THEMIS: variants seen among roughly 807,000 people sequenced by gnomAD.
THEMIS encodes thymocyte selection associated, also known as protein THEMIS.
Under a neutral mutation model 52.6 loss-of-function variants are expected in THEMIS, and 37 were observed. That is an observed-to-expected ratio of 0.70 (90% CI 0.54 to 0.93). The LOEUF is 0.93. Ranked by LOEUF, THEMIS falls within the 40% of genes least tolerant of loss-of-function variation. The pLI is 0.00. For missense variants in THEMIS, 808 were observed against 763.1 expected, an observed-to-expected ratio of 1.06 and a Z score of -0.69; for synonymous variants, 292 against 272.7, an observed-to-expected ratio of 1.07 and a Z score of -0.70.
At chr6:127,870,996 A>G (rs965683822) in intron 1 of THEMIS, among the ~76,000 whole-genome samples, 7 of 152,150 alleles carry the variant, frequency 4.6e-5, no homozygotes, top group Non-Finnish European at 8.8e-5. Context: ...ACATAATCAA[A>G]TCTTCCTTTA....
intron 3 of THEMIS, among the ~76,000 whole-genome samples, chr6:127,825,937 G>A (rs192744781): frequency 5.6e-4 from 85 of 152,202 alleles, no homozygotes; most frequent in South Asian, 4.6e-3. Context: ...AATTATACTC[G>A]TTATACACCA....
chr6:127,860,708 A>G (rs114343617), intron 1 of THEMIS, among the ~76,000 whole-genome samples: 185 of 152,266 alleles, frequency 1.2e-3, no homozygotes, highest in African/African-American at 4.2e-3. Context: ...ATCAGATTAA[A>G]TAAGTACTAG....
upstream of THEMIS, among the ~76,000 whole-genome samples, chr6:127,901,591 A>G (rs1023907317): frequency 6.6e-6 from 1 of 152,056 alleles, no homozygotes; most frequent in Admixed American, 6.6e-5. Flanking sequence ...TAGGGTAGGG[A>G]TAGAATATGC....
Position 127,813,794 on chromosome 6 carries a change from T to A in THEMIS, c.847A>T (p.Ile283Leu). 6.2e-7 allele frequency: 1 copy of A among 1,614,080 alleles called. No homozygotes were observed. Among genetic ancestry groups the A allele is most frequent in the Non-Finnish European group, 8.5e-7 (1 of 1,179,984 alleles). ...LFEMTSKEFP[I>L]VTEVIEAPEG... The stretch of plus-strand genomic sequence containing the variant: ...GGTGCTTCTATGACTTCAGTCACTA[T>A]GGGGAACTCTTTACTAGTCATTTCA... The change falls in exon 4 of 6, where the codon ATA becomes TTA. Residue 283 changes from isoleucine to leucine, a missense_variant. Transcript: ENST00000368248.
intron 4 of THEMIS, among the ~76,000 whole-genome samples, chr6:127,784,952 T>G (rs1776874637): frequency 1.2e-4 from 1 of 8,020 alleles, no homozygotes. Flanking sequence ...GCAGTCACAC[T>G]ATCTATCTAT....
intron 1 of THEMIS, among the ~76,000 whole-genome samples, chr6:127,860,643 A>G (rs1312700463): frequency 6.6e-6 from 1 of 152,136 alleles, no homozygotes; most frequent in Non-Finnish European, 1.5e-5. Flanking sequence ...AAAAGTTCCT[A>G]CAGATTGGAA....
intron 2 of THEMIS, among the ~76,000 whole-genome samples, chr6:127,846,220 A>C (rs562295497): frequency 2.0e-5 from 3 of 151,956 alleles, no homozygotes; most frequent in Non-Finnish European, 4.4e-5. Flanking sequence ...AACAACTACC[A>C]ATAACAGCAA....
intron 4 of THEMIS, among the ~76,000 whole-genome samples, chr6:127,770,644 T>G (rs1366083935): frequency 6.6e-6 from 1 of 152,232 alleles, no homozygotes; most frequent in Non-Finnish European, 1.5e-5. Flanking sequence ...TTTGTCAATT[T>G]TGGCTTTTGT....
chr6:127,738,063 G>A (rs373613432), intron 4 of THEMIS, among the ~76,000 whole-genome samples: 1 of 152,128 alleles, frequency 6.6e-6, no homozygotes, highest in African/African-American at 2.4e-5. Flanking sequence ...ATAGAAGCAT[G>A]AGCTGTTGAA....
the THEMIS span, among the ~76,000 whole-genome samples, chr6:127,699,606 A>G: frequency 6.6e-6 from 1 of 151,694 alleles, no homozygotes; most frequent in African/African-American, 2.4e-5. Flanking sequence ...GATAGAACAG[A>G]GATATCAGAA....
upstream of THEMIS, among the ~76,000 whole-genome samples, chr6:127,902,399 T>G (rs1489644768): frequency 1.3e-5 from 2 of 151,310 alleles, no homozygotes; most frequent in African/African-American, 2.4e-5. Context: ...AATCTACACG[T>G]TTTCTTTAGT....
At chr6:127,790,665 T>C (rs1777125242) in intron 4 of THEMIS, among the ~76,000 whole-genome samples, 1 of 152,214 alleles carries the variant, frequency 6.6e-6, no homozygotes, top group Non-Finnish European at 1.5e-5. Context: ...TGGCCCACTG[T>C]GCTTGATGTG....
intron 4 of THEMIS, among the ~76,000 whole-genome samples, chr6:127,803,170 T>C (rs1049685965): frequency 1.3e-5 from 2 of 152,210 alleles, no homozygotes; most frequent in African/African-American, 4.8e-5. Flanking sequence ...TCTGTTTGAA[T>C]TGATTATCTA....
At chr6:127,806,249 G>C (rs1301905033) in intron 4 of THEMIS, among the ~76,000 whole-genome samples, 2 of 152,010 alleles carry the variant, frequency 1.3e-5, no homozygotes, top group African/African-American at 4.8e-5. Flanking sequence ...AAATAATTTA[G>C]TCCAAATTTG....
At chr6:127,760,303 G>C (rs1280269714) in intron 4 of THEMIS, among the ~76,000 whole-genome samples, 2 of 151,930 alleles carry the variant, frequency 1.3e-5, no homozygotes, top group Non-Finnish European at 2.9e-5. Flanking sequence ...AATATATTTT[G>C]AAATCAGGAA....
intron 4 of THEMIS, among the ~76,000 whole-genome samples, chr6:127,765,150 C>T (rs994820984): frequency 4.6e-5 from 7 of 152,038 alleles, no homozygotes; most frequent in Non-Finnish European, 8.8e-5. Context: ...TCTCTTCAGA[C>T]TCTTAATGGT....
chr6:127,910,207 G>A (rs1490311487), intron 1 of THEMIS, among the ~76,000 whole-genome samples: 2 of 151,982 alleles, frequency 1.3e-5, no homozygotes, highest in African/African-American at 2.4e-5. Context: ...TATAGATGAT[G>A]TTTTTTTATA....
chr6:127,735,311 G>A (rs1003298626), intron 4 of THEMIS, among the ~76,000 whole-genome samples: 1 of 149,648 alleles, frequency 6.7e-6, no homozygotes, highest in African/African-American at 2.5e-5. Flanking sequence ...AAATAGGGGC[G>A]TGTGTGCGTG....
chr6:127,712,724 C>T (rs554380713), intron 5 of THEMIS, among the ~76,000 whole-genome samples: 17 of 151,860 alleles, frequency 1.1e-4, no homozygotes, highest in African/African-American at 4.1e-4. Context: ...TTGCTTTTTG[C>T]TTTTCTTTCT....
Sources: gnomAD v4.1 joint callset for allele counts (sites outside exome capture counted in the v4.1 genomes callset) on GRCh38, gnomAD v4.1.1 for gene constraint, MANE v1.5 for transcripts, NCBI Gene and HGNC (gene_info 2026-07-23, HGNC 2026-07-21) for gene names.